Variants in DSCAML1 observed in about 807,000 individuals in gnomAD.
The protein encoded by DSCAML1 is DS cell adhesion molecule like 1, also known as cell adhesion molecule DSCAML1.
A neutral mutation model predicts 200.5 loss-of-function variants in DSCAML1; 38 were observed. The ratio of observed to expected loss-of-function variants is 0.19; its 90% CI spans 0.15 to 0.25. The LOEUF (loss-of-function observed/expected upper bound fraction) is 0.25, where lower values mean the gene tolerates loss of function less well. Ranked by LOEUF, DSCAML1 falls within the 10% of genes least tolerant of loss-of-function variation. The pLI, the probability that DSCAML1 is intolerant of heterozygous loss-of-function variation, is 1.00. For synonymous variants in DSCAML1, 1,215 were observed against 1,165.0 expected, an observed-to-expected ratio of 1.04 and a Z score of -0.87; for missense variants, 2,223 against 2,858.8, an observed-to-expected ratio of 0.78 and a Z score of 5.07.
chr11:117,747,641 G>A (rs1002783520), intron 3 of DSCAML1, among the ~76,000 whole-genome samples: 11 of 152,228 alleles, frequency 7.2e-5, no homozygotes, highest in Admixed American at 2.0e-4. Context: ...GAATGAGCTG[G>A]CTTCAGGAGG....
At chr11:117,563,521 G>A (rs568938244) in intron 3 of DSCAML1, among the ~76,000 whole-genome samples, 1 of 152,158 alleles carries the variant, frequency 6.6e-6, no homozygotes, top group Non-Finnish European at 1.5e-5. Flanking sequence ...TGTAAAGGAA[G>A]CTCCGTGCCA....
chr11:117,748,242 C>T (rs2054549044), intron 3 of DSCAML1, among the ~76,000 whole-genome samples: 1 of 152,208 alleles, frequency 6.6e-6, no homozygotes. Flanking sequence ...TCTCCCTGCC[C>T]TGGACACACT....
At chr11:117,776,999 G>T in intron 2 of DSCAML1, 62 bp from the exon 3 acceptor site, 1 of 1,574,526 alleles carries the variant, frequency 6.4e-7, no homozygotes. Flanking sequence ...AGGGTCCCCA[G>T]AAAGGAACAG....
chr11:117,783,996 T>C (rs1327657193), intron 1 of DSCAML1, among the ~76,000 whole-genome samples: 1 of 152,196 alleles, frequency 6.6e-6, no homozygotes, highest in Non-Finnish European at 1.5e-5. Context: ...GCCTCGGATC[T>C]TGCTGGAGCC....
At chr11:117,714,788 C>A (rs1164677625) in intron 3 of DSCAML1, among the ~76,000 whole-genome samples, 1 of 135,292 alleles carries the variant, frequency 7.4e-6, no homozygotes, top group African/African-American at 2.8e-5. Context: ...CGCCATTGCA[C>A]TCCAGTATTG....
chr11:117,509,499 G>A (rs1438736839), intron 8 of DSCAML1, among the ~76,000 whole-genome samples: 1 of 152,196 alleles, frequency 6.6e-6, no homozygotes, highest in Non-Finnish European at 1.5e-5. Context: ...CTCCAACCCT[G>A]CTTCTGGGGG....
At chr11:117,672,605 C>T (rs2053134037) in intron 3 of DSCAML1, among the ~76,000 whole-genome samples, 1 of 152,226 alleles carries the variant, frequency 6.6e-6, no homozygotes, top group Non-Finnish European at 1.5e-5. Context: ...CCATGGGCAT[C>T]CAGGGCGAGC....
chr11:117,520,837 G>A (rs1232747736), intron 6 of DSCAML1, among the ~76,000 whole-genome samples: 1 of 152,182 alleles, frequency 6.6e-6, no homozygotes, highest in Non-Finnish European at 1.5e-5. Context: ...GGCTGAGGTG[G>A]GAGGATTGCT....
chr11:117,445,510 C>T (rs537296378), intron 20 of DSCAML1, among the ~76,000 whole-genome samples: 41 of 152,334 alleles, frequency 2.7e-4, no homozygotes, highest in Admixed American at 5.2e-4. Flanking sequence ...TAAGGTTGCC[C>T]ATAGTTTCTG....
intron 14 of DSCAML1, among the ~76,000 whole-genome samples, chr11:117,479,563 T>G (rs2048865212): frequency 6.6e-6 from 1 of 152,102 alleles, no homozygotes; most frequent in Non-Finnish European, 1.5e-5. Flanking sequence ...AGATGCGGGG[T>G]GCCCATGGCG....
chr11:117,520,111 C>T (rs563292180), intron 6 of DSCAML1, among the ~76,000 whole-genome samples: 1 of 152,344 alleles, frequency 6.6e-6, no homozygotes, highest in Admixed American at 6.5e-5. Flanking sequence ...GGGTTTCTGC[C>T]AGCCCCCACT....
chr11:117,493,255 C>T lies in DSCAML1; in HGVS notation c.2359+10590G>A, dbSNP rs535473881. Among the ~76,000 whole-genome samples the T allele has an allele frequency of 3.1e-3, 479 of 152,094 alleles. 2 individuals are homozygous for T. The highest frequency in any genetic ancestry group is 0.01 in the African/African-American group (422 of 41,494). ...TTGGCTCCTTGCTAAAGAGTAGACG[C>T]GCAGGACGGGGAGTGTTCTCAAATG... On this transcript the variant is annotated intron_variant, in intron 11 of 32. Coordinates refer to ENST00000651296, the MANE Select transcript of DSCAML1 (RefSeq NM_020693.4).
At chr11:117,688,327 CAGTGGGG>C (rs2053440201) in intron 3 of DSCAML1, among the ~76,000 whole-genome samples, 1 of 152,068 alleles carries the variant, frequency 6.6e-6, no homozygotes, top group South Asian at 2.1e-4. Context: ...CATCTCCAAG[CAGTGGGG>C]AGAGGGAGGG....
chr11:117,569,993 C>G (rs1011821816), intron 3 of DSCAML1, among the ~76,000 whole-genome samples: 1 of 152,152 alleles, frequency 6.6e-6, no homozygotes, highest in Non-Finnish European at 1.5e-5. Context: ...CTTGGATCAC[C>G]TACCCTGTCT....
chr11:117,432,241 T>C, intron 30 of DSCAML1, 111 bp downstream of exon 30: 2 of 1,261,162 alleles, frequency 1.6e-6, no homozygotes, highest in Non-Finnish European at 2.1e-6. Flanking sequence ...TTTTGCATTC[T>C]ATTCCATTAA....
At position 117,480,585 on chromosome 11, in the gene DSCAML1, G is replaced by T; in HGVS notation, c.2657-14C>A. ...GGTCGGGGGGCTCTAGGGTGCGGCA[G>T]TGGAGGGGAGGGAAGTGAGGAGGGC... On this transcript the variant is annotated splice_polypyrimidine_tract_variant and intron_variant, in intron 13 of 32. Transcript: ENST00000651296. This position sits in a 1 kb window ranked among gnomAD's most constrained non-coding sequence, Gnocchi z 4.1. 6.4e-7 allele frequency: 1 copy of T among 1,553,364 alleles called. No homozygotes were observed. Among genetic ancestry groups the T allele is most frequent in the African/African-American group, 1.4e-5 (1 of 73,334 alleles).
chr11:117,430,120 C>G (rs143044791), intron 32 of DSCAML1, among the ~76,000 whole-genome samples: 1 of 152,360 alleles, frequency 6.6e-6, no homozygotes, highest in South Asian at 2.1e-4. Context: ...TAGACTCCCC[C>G]TGCTGATCCT....
chr11:117,701,055 C>A (rs1489732389), intron 3 of DSCAML1, among the ~76,000 whole-genome samples: 1 of 152,178 alleles, frequency 6.6e-6, no homozygotes, highest in Non-Finnish European at 1.5e-5. Flanking sequence ...CACCTGAGGT[C>A]AGGAGTTTGA....
chr11:117,677,480 G>A (rs1426203317), intron 3 of DSCAML1, among the ~76,000 whole-genome samples: 1 of 152,096 alleles, frequency 6.6e-6, no homozygotes, highest in Admixed American at 6.5e-5. Context: ...GGAGCAGGGG[G>A]CAGGGAGAGG....
Sources: allele counts gnomAD v4.1 joint callset (sites outside exome capture counted in the v4.1 genomes callset), GRCh38; gene constraint gnomAD v4.1.1; non-coding constraint Gnocchi (gnomAD v3.1); transcripts MANE v1.5; gene names NCBI Gene and HGNC (gene_info 2026-07-23, HGNC 2026-07-21).